Variants in C10orf90 observed in about 807,000 individuals in gnomAD.
C10orf90 encodes the protein chromosome 10 open reading frame 90, also known as (E2-independent) E3 ubiquitin-conjugating enzyme FATS.
A neutral mutation model predicts 62.5 loss-of-function variants in C10orf90; 56 were observed. That is an observed-to-expected ratio of 0.90 (90% CI 0.72 to 1.12). The LOEUF (loss-of-function observed/expected upper bound fraction) is 1.12. Among genes scored for constraint, C10orf90 ranks in the 50% most tolerant of loss-of-function variants. The pLI is 0.00. For synonymous variants in C10orf90, 386 were observed against 340.4 expected, an observed-to-expected ratio of 1.13 and a Z score of -1.47; for missense variants, 970 against 880.4, an observed-to-expected ratio of 1.10 and a Z score of -1.29.
chr10:126,511,010 C>A (rs921162120), intron 3 of C10orf90, among the ~76,000 whole-genome samples: 2 of 152,188 alleles, frequency 1.3e-5, no homozygotes, highest in African/African-American at 4.8e-5. Flanking sequence ...ATGTACTTGC[C>A]CAACAATTCT....
At chr10:126,555,068 C>T (rs984354031) in intron 2 of C10orf90, among the ~76,000 whole-genome samples, 2 of 152,194 alleles carry the variant, frequency 1.3e-5, no homozygotes, top group African/African-American at 4.8e-5. Context: ...GGAGTAACTT[C>T]TCAGAGATGT....
intron 2 of C10orf90, among the ~76,000 whole-genome samples, chr10:126,565,028 T>TAATATATACAATATATATTATATATAA (rs1426096709): frequency 1.3e-3 from 12 of 9,080 alleles, no homozygotes; most frequent in African/African-American, 3.6e-3. Context: ...ATATTATATA[T>TAATATATACAATATATATTATATATAA]TATATAAAAT....
chr10:126,449,571 C>T (rs1016762402), intron 7 of C10orf90, among the ~76,000 whole-genome samples: 5 of 152,076 alleles, frequency 3.3e-5, no homozygotes, highest in East Asian at 1.9e-4. Flanking sequence ...AAAGCATTCA[C>T]GTTGGAAAGA....
intron 2 of C10orf90, among the ~76,000 whole-genome samples, chr10:126,597,859 T>C (rs1469672354): frequency 6.6e-6 from 1 of 152,184 alleles, no homozygotes; most frequent in African/African-American, 2.4e-5. Flanking sequence ...ATGTGTGTCA[T>C]CTGAGCCATT....
chr10:126,622,467 C>A (rs184365091), intron 2 of C10orf90, among the ~76,000 whole-genome samples: 3 of 152,162 alleles, frequency 2.0e-5, no homozygotes, highest in African/African-American at 7.2e-5. Context: ...GGTTTCATTG[C>A]CAATGTCTAG....
At chr10:126,543,464 A>G (rs978691399) in intron 2 of C10orf90, among the ~76,000 whole-genome samples, 2 of 152,210 alleles carry the variant, frequency 1.3e-5, no homozygotes, top group African/African-American at 4.8e-5. Context: ...ACATTTGGAA[A>G]GCAGATGTAG....
chr10:126,617,815 A>G (rs550024210), intron 2 of C10orf90, among the ~76,000 whole-genome samples: 36 of 152,296 alleles, frequency 2.4e-4, no homozygotes, highest in African/African-American at 7.5e-4. Flanking sequence ...CATGAGCTCT[A>G]CCTCTGTCCT....
intron 2 of C10orf90, among the ~76,000 whole-genome samples, chr10:126,601,347 C>T (rs1845194354): frequency 6.6e-6 from 1 of 152,068 alleles, no homozygotes; most frequent in Admixed American, 6.5e-5. Context: ...CTGCTCTTGC[C>T]CCCAAAAAGT....
intron 2 of C10orf90, among the ~76,000 whole-genome samples, chr10:126,538,509 C>T (rs1864298599): frequency 6.6e-6 from 1 of 152,182 alleles, no homozygotes; most frequent in East Asian, 1.9e-4. Context: ...CAATAAATGC[C>T]TGTTGCTTAA....
At chr10:126,470,769 A>C (rs955836013) in intron 4 of C10orf90, among the ~76,000 whole-genome samples, 1 of 151,926 alleles carries the variant, frequency 6.6e-6, no homozygotes, top group African/African-American at 2.4e-5. Context: ...AAAAATACAG[A>C]AAGGAAGAAG....
chr10:126,669,371 C>A (rs1846699782), intron 1 of C10orf90, among the ~76,000 whole-genome samples: 1 of 152,300 alleles, frequency 6.6e-6, no homozygotes, highest in South Asian at 2.1e-4. Flanking sequence ...GCCTGGGGAA[C>A]AAAGACCTGG....
At chr10:126,428,042 A>G (rs964367646) in intron 8 of C10orf90, among the ~76,000 whole-genome samples, 2 of 152,148 alleles carry the variant, frequency 1.3e-5, no homozygotes, top group Admixed American at 1.3e-4. Flanking sequence ...CATCTATACG[A>G]TGGACCACTC....
intron 2 of C10orf90, among the ~76,000 whole-genome samples, chr10:126,565,111 TATATTATATAATATATAATATA>T (rs1844316337): frequency 2.4e-5 from 1 of 40,884 alleles, no homozygotes; most frequent in Admixed American, 4.9e-4. Flanking sequence ...ATATAAAATA[TATATTATATAATATATAATATA>T]AATATAATAT....
intron 2 of C10orf90, among the ~76,000 whole-genome samples, chr10:126,576,713 A>G (rs1272420341): frequency 6.1e-4 from 20 of 33,008 alleles, no homozygotes; most frequent in South Asian, 2.2e-3. Flanking sequence ...ATGTATATAT[A>G]TACAAGATAT....
At chr10:126,429,751 AC>A (rs780593339) in intron 8 of C10orf90, 35 bp downstream of exon 8, 1 of 1,599,336 alleles carries the variant, frequency 6.3e-7, no homozygotes, top group African/African-American at 1.3e-5. Flanking sequence ...TACTCCCCCC[AC>A]CAACTTCTTT....
chr10:126,665,443 C>T (rs1426695661), intron 1 of C10orf90, among the ~76,000 whole-genome samples: 1 of 152,182 alleles, frequency 6.6e-6, no homozygotes, highest in East Asian at 1.9e-4. Context: ...AAGTACTTAA[C>T]TTGAGTGCTT....
At chr10:126,470,193 T>C in intron 4 of C10orf90, 2 of 395,884 alleles carry the variant, frequency 5.1e-6, no homozygotes, top group Non-Finnish European at 5.2e-6. Context: ...TTCTGCATGT[T>C]GCATGCTGCA....
intron 1 of C10orf90, among the ~76,000 whole-genome samples, chr10:126,653,766 A>G (rs1564911027): frequency 1.3e-5 from 2 of 152,216 alleles, no homozygotes; most frequent in Non-Finnish European, 1.5e-5. Flanking sequence ...CATCAGCAGA[A>G]TCACTCTCTA....
chr10:126,484,415 CA>C (rs1002168232), intron 4 of C10orf90, among the ~76,000 whole-genome samples: 11 of 151,666 alleles, frequency 7.3e-5, no homozygotes, highest in African/African-American at 1.2e-4. Flanking sequence ...CTAACAACTC[CA>C]AAAAAAACCC....
Sources: allele counts gnomAD v4.1 joint callset (sites outside exome capture counted in the v4.1 genomes callset), GRCh38; gene constraint gnomAD v4.1.1; transcripts MANE v1.5; gene names NCBI Gene and HGNC (gene_info 2026-07-23, HGNC 2026-07-21).